The following KAZN variants were observed in gnomAD, a reference collection of about 807,000 sequenced individuals.
KAZN encodes kazrin.
Under a neutral mutation model 87.4 loss-of-function variants are expected in KAZN, and 40 were observed. The ratio of observed to expected loss-of-function variants is 0.46; its 90% CI spans 0.36 to 0.60. The LOEUF (loss-of-function observed/expected upper bound fraction) is 0.60. Ranked by LOEUF, KAZN falls within the 20% of genes least tolerant of loss-of-function variation. The pLI is 0.00. For synonymous variants in KAZN, 466 were observed against 458.3 expected (o/e 1.02, Z -0.22); for missense variants, 898 against 1,073.9 (o/e 0.84, Z 2.29).
intron 1 of KAZN, among the ~76,000 whole-genome samples, chr1:14,634,402 G>A (rs1382392332): frequency 6.6e-6 from 1 of 152,208 alleles, no homozygotes; most frequent in Non-Finnish European, 1.5e-5. Flanking sequence ...TTTAAAAATG[G>A]ATGATACGTT....
intron 2 of KAZN, among the ~76,000 whole-genome samples, chr1:14,338,490 A>G (rs1571335458): frequency 8.6e-6 from 1 of 116,658 alleles, no homozygotes; most frequent in South Asian, 3.0e-4. Flanking sequence ...ATCTTAGAGA[A>G]AAAAAAAAAA....
intron 1 of KAZN, among the ~76,000 whole-genome samples, chr1:14,667,182 T>G (rs1639614489): frequency 6.6e-6 from 1 of 152,234 alleles, no homozygotes; most frequent in South Asian, 2.1e-4. Flanking sequence ...TCTGGCTGTT[T>G]ACTCCATCTG....
At chr1:14,407,211 T>C (rs143274351) in intron 2 of KAZN, among the ~76,000 whole-genome samples, 1 of 152,346 alleles carries the variant, frequency 6.6e-6, no homozygotes, top group East Asian at 1.9e-4. Context: ...TCCTGTGAAC[T>C]CTTGTCCATG....
At chr1:14,530,970 G>T (rs925769655) in intron 2 of KAZN, among the ~76,000 whole-genome samples, 10 of 152,082 alleles carry the variant, frequency 6.6e-5, no homozygotes, top group Non-Finnish European at 1.2e-4. Context: ...CTACTCAAGA[G>T]GCTGAAGTGG....
rs938112791 is a variant in KAZN, at chr1:14,912,333, T to C, written c.227-48351T>C. 9.9e-5 allele frequency among the ~76,000 whole-genome samples: 15 copies of C among 151,952 alleles called. 1 individual carries two copies. The highest frequency in any genetic ancestry group is 3.6e-4 in the African/African-American group (15 of 41,346). ...GATGGACAGACCCAGGACATTGCCT[T>C]TCACTAATTGTGCCTGGAGCAGCCA... On this transcript the variant is annotated intron_variant, in intron 1 of 14. Coordinates refer to ENST00000376030, the MANE Select transcript of KAZN (RefSeq NM_201628.3).
intron 1 of KAZN, among the ~76,000 whole-genome samples, chr1:14,089,800 G>A (rs915755091): frequency 3.3e-5 from 5 of 152,100 alleles, no homozygotes; most frequent in Non-Finnish European, 7.4e-5. Context: ...CAGTGTATCA[G>A]CATAATGAGA....
intron 1 of KAZN, among the ~76,000 whole-genome samples, chr1:14,867,254 C>T (rs1468113087): frequency 6.6e-6 from 1 of 152,186 alleles, no homozygotes. Flanking sequence ...CCTTGAAGGT[C>T]TGTTGTTTTG....
At chr1:14,449,189 A>C (rs1337508189) in intron 2 of KAZN, among the ~76,000 whole-genome samples, 1 of 152,178 alleles carries the variant, frequency 6.6e-6, no homozygotes, top group Admixed American at 6.5e-5. Context: ...TGATTTCAAG[A>C]ACACAGACCA....
chr1:14,828,812 T>C (rs1646972248), intron 1 of KAZN, among the ~76,000 whole-genome samples: 1 of 152,182 alleles, frequency 6.6e-6, no homozygotes, highest in African/African-American at 2.4e-5. Flanking sequence ...ATCCAGAGGT[T>C]GGTGGTTTGT....
rs1441715853 is a variant in KAZN, at chr1:15,101,570, T to C, written c.1575T>C (p.His525=). 6.4e-7 allele frequency: 1 copy of C among 1,552,708 alleles called. No homozygotes were observed. The highest frequency in any genetic ancestry group is 8.7e-7 in the Non-Finnish European group (1 of 1,147,500). ...TGTCCAAAGCTGCCGAGCTGGACCA[T>C]CACTGGGTGGCCAAGGCCTGGCTGA... is the stretch of plus-strand genomic sequence containing the variant. ...RSLSKAAELD[H]HWVAKAWLND... The change falls in exon 11 of 15, where the codon CAT becomes CAC. Residue 525 remains histidine (H), a synonymous_variant. Transcript: ENST00000376030.
intron 2 of KAZN, among the ~76,000 whole-genome samples, chr1:14,404,067 T>C (rs1267995450): frequency 6.6e-6 from 1 of 152,174 alleles, no homozygotes; most frequent in Non-Finnish European, 1.5e-5. Flanking sequence ...GCCACTTGCA[T>C]AGCACGCAAA....
At chr1:14,192,630 AGT>A (rs754851742) in intron 2 of KAZN, among the ~76,000 whole-genome samples, 6 of 152,158 alleles carry the variant, frequency 3.9e-5, no homozygotes, top group Non-Finnish European at 7.4e-5. Context: ...ACCATAGTTG[AGT>A]GTATGTGATG....
chr1:14,433,312 G>A (rs896700811), intron 2 of KAZN, among the ~76,000 whole-genome samples: 1 of 152,082 alleles, frequency 6.6e-6, no homozygotes, highest in African/African-American at 2.4e-5. Flanking sequence ...AGTTTTGCCT[G>A]TTCTAGAAAT....
chr1:14,153,457 G>A (rs1645520541), intron 1 of KAZN, among the ~76,000 whole-genome samples: 1 of 152,092 alleles, frequency 6.6e-6, no homozygotes, highest in Admixed American at 6.5e-5. Context: ...TTTTCTCAGT[G>A]TATGTTATTG....
At chr1:13,958,834 G>C (rs1641647384) in intron 1 of KAZN, among the ~76,000 whole-genome samples, 2 of 152,090 alleles carry the variant, frequency 1.3e-5, no homozygotes, top group Non-Finnish European at 1.5e-5. Flanking sequence ...AGGCGGGAGT[G>C]GAAGTGAATT....
At chr1:14,302,210 ATGAC>A (rs751160252) in intron 2 of KAZN, among the ~76,000 whole-genome samples, 30 of 152,374 alleles carry the variant, frequency 2.0e-4, no homozygotes, top group Non-Finnish European at 3.7e-4. Context: ...GTTGTAATGA[ATGAC>A]AAGTTTGGGA....
chr1:14,760,070 C>T (rs936861917), intron 1 of KAZN, among the ~76,000 whole-genome samples: 3 of 152,110 alleles, frequency 2.0e-5, no homozygotes, highest in African/African-American at 7.2e-5. Flanking sequence ...CGAGGTGTAA[C>T]TTACATTCCA....
At position 15,108,483 on chromosome 1, in the gene KAZN, T is replaced by A. The variant is rs147339894; in HGVS notation, c.2049-3944T>A. Among the ~76,000 whole-genome samples the A allele has an allele frequency of 3.5e-3, 534 of 152,366 alleles. 3 individuals carry two copies. Among genetic ancestry groups the A allele is most frequent in the Admixed American group, 9.0e-3 (138 of 15,306 alleles). ...CGGTTTTTTCAGCTTGCAATGGGGA[T>A]GATCACTCCTTCTTCCCAGGGCTTT... On this transcript the variant is annotated intron_variant, in intron 13 of 14. Coordinates refer to ENST00000376030, the MANE Select transcript of KAZN (RefSeq NM_201628.3).
intron 1 of KAZN, among the ~76,000 whole-genome samples, chr1:14,881,697 T>C (rs1164610606): frequency 3.3e-5 from 5 of 152,218 alleles, no homozygotes. Flanking sequence ...TCAAATCACC[T>C]GGAATCAAGT....
Sources: gnomAD v4.1 joint callset for allele counts (sites outside exome capture counted in the v4.1 genomes callset) on GRCh38, gnomAD v4.1.1 for gene constraint, MANE v1.5 for transcripts, NCBI Gene and HGNC (gene_info 2026-07-23, HGNC 2026-07-21) for gene names.